Variants in CACNA2D4 observed in about 807,000 individuals in gnomAD.
The protein encoded by CACNA2D4 is calcium voltage-gated channel auxiliary subunit alpha2delta 4.
In CACNA2D4, 157 loss-of-function variants were observed where a neutral mutation model predicts 163.8. That is an observed-to-expected ratio of 0.96 (90% CI 0.84 to 1.09). The LOEUF (loss-of-function observed/expected upper bound fraction) is 1.09, where lower values mean the gene tolerates loss of function less well. Ranked by LOEUF, CACNA2D4 falls within the 50% of genes least tolerant of loss-of-function variation. The pLI is 0.00. For missense variants in CACNA2D4, 1,410 were observed against 1,479.9 expected (o/e 0.95, Z 0.78); for synonymous variants, 598 against 586.9 (o/e 1.02, Z -0.27).
chr12:1,840,463 C>CGGG (rs1251069382), intron 26 of CACNA2D4, among the ~76,000 whole-genome samples: 1 of 1,244 alleles, frequency 8.0e-4, no homozygotes, highest in Admixed American at 6.9e-3. Flanking sequence ...TGGGGGGCGG[C>CGGG]GGGGGGCTGG....
At chr12:1,897,507 G>A (rs954577701) in intron 6 of CACNA2D4, among the ~76,000 whole-genome samples, 6 of 152,152 alleles carry the variant, frequency 3.9e-5, no homozygotes, top group African/African-American at 1.4e-4. Flanking sequence ...ATGTGTACAA[G>A]TATTATGTAT....
At position 1,843,835 on chromosome 12, in the gene CACNA2D4, C is replaced by T. The variant is rs138332898; in HGVS notation, c.2470+567G>A. On this transcript the variant is annotated intron_variant, in intron 25 of 37. Transcript: ENST00000382722. This position sits in a 1 kb window ranked among gnomAD's most constrained non-coding sequence, Gnocchi z 4.6. Reference sequence around the variant, plus strand: ...CAGGGATTTTGTGGTTGCCTCATACCCCACCCTCCCCACCACCTGCCTGGC... The same window carrying T: ...CAGGGATTTTGTGGTTGCCTCATACTCCACCCTCCCCACCACCTGCCTGGC... Among the ~76,000 whole-genome samples, 82 of 152,258 alleles carry T rather than the reference C, an allele frequency of 5.4e-4. No homozygotes were observed. Among genetic ancestry groups the T allele is most frequent in the African/African-American group, 1.9e-3 (77 of 41,540 alleles).
chr12:1,796,260 G>C (rs1863123927), intron 35 of CACNA2D4, among the ~76,000 whole-genome samples: 1 of 152,162 alleles, frequency 6.6e-6, no homozygotes, highest in Non-Finnish European at 1.5e-5. Flanking sequence ...GGCGGAGCCC[G>C]CCCGCCAGGC....
chr12:1,888,486 T>C (rs762797195), intron 6 of CACNA2D4, among the ~76,000 whole-genome samples: 1 of 152,136 alleles, frequency 6.6e-6, no homozygotes, highest in African/African-American at 2.4e-5. Context: ...ATATAGCTTC[T>C]CAAGAATTAC....
Position 1,918,435 on chromosome 12 carries a change from G to GT in CACNA2D4, c.38dup (p.Asn13LysfsTer70). ...GAGTTGCAGGCATGGTGGGCCTGGGGTTGGGGAGGGGAAGGAGGGCAGAGC... is the reference window on the plus strand; with the variant it reads ...GAGTTGCAGGCATGGTGGGCCTGGGGTTTGGGGAGGGGAAGGAGGGCAGAGC... On this transcript the variant is annotated frameshift_variant, in exon 1 of 38. Coordinates refer to ENST00000382722, the MANE Select transcript of CACNA2D4 (RefSeq NM_172364.5). LOFTEE classifies it high-confidence loss of function. 6.3e-7 allele frequency: 1 copy of GT among 1,586,696 alleles called. No individual in the cohort carries two copies. The highest frequency in any genetic ancestry group is 1.3e-5 in the African/African-American group (1 of 74,574).
intron 18 of CACNA2D4, among the ~76,000 whole-genome samples, chr12:1,871,128 CGT>C (rs1457905365): frequency 6.8e-6 from 1 of 147,510 alleles, no homozygotes; most frequent in Non-Finnish European, 1.5e-5. Context: ...CATATGTACA[CGT>C]GTGTTGCTGG....
chr12:1,819,117 G>A (rs947107660), intron 26 of CACNA2D4, among the ~76,000 whole-genome samples: 7 of 152,174 alleles, frequency 4.6e-5, no homozygotes, highest in Non-Finnish European at 5.9e-5. Context: ...CAGTCCTGTG[G>A]TGTTCCGGGG....
At chr12:1,823,017 A>AG (rs1565687035) in intron 26 of CACNA2D4, among the ~76,000 whole-genome samples, 3 of 152,192 alleles carry the variant, frequency 2.0e-5, no homozygotes, top group African/African-American at 7.2e-5. Context: ...TGCAGAGTGA[A>AG]GGGGGCGGCA....
At position 1,834,289 on chromosome 12, in the gene CACNA2D4, C is replaced by T; in HGVS notation, c.2551+6450G>A. ...TAGGGGGACGCTTGGACCAGCTTGC[C>T]TGCACCCTGCCCAAGGAGCTGAGGG... On this transcript the variant is annotated intron_variant, in intron 26 of 37. Transcript: ENST00000382722. This position sits in a 1 kb window ranked among gnomAD's most constrained non-coding sequence, Gnocchi z 7.6. The T allele has an allele frequency of 6.3e-7, 1 of 1,596,038 alleles. No individual in the cohort carries two copies. The highest frequency in any genetic ancestry group is 1.3e-5 in the African/African-American group (1 of 74,742).
intron 6 of CACNA2D4, among the ~76,000 whole-genome samples, chr12:1,887,399 C>G (rs1866175147): frequency 6.6e-6 from 1 of 152,204 alleles, no homozygotes; most frequent in Admixed American, 6.5e-5. Flanking sequence ...ACATCCATTA[C>G]CATCCAGCAA....
intron 6 of CACNA2D4, among the ~76,000 whole-genome samples, chr12:1,888,424 C>A (rs1173529243): frequency 2.0e-5 from 3 of 152,130 alleles, no homozygotes; most frequent in Non-Finnish European, 1.5e-5. Flanking sequence ...ACATAAGGAG[C>A]AGACCCCTAT....
At chr12:1,886,928 G>A (rs1866160407) in intron 7 of CACNA2D4, 81 bp downstream of exon 7, 1 of 941,616 alleles carries the variant, frequency 1.1e-6, no homozygotes, top group Non-Finnish European at 1.7e-6. Flanking sequence ...GGAAGGGGCG[G>A]AAGTGGAGGA....
chr12:1,800,374 AC>A lies in CACNA2D4; in HGVS notation c.2921+11del. ...GCAGCCCTCCACCAGCCCCGTGTCTACCCCCACTCACAGCACCAGCTCCTGC... is the reference window on the plus strand; with the variant it reads ...GCAGCCCTCCACCAGCCCCGTGTCTACCCCACTCACAGCACCAGCTCCTGC... On this transcript the variant is annotated intron_variant, in intron 32 of 37. Coordinates refer to ENST00000382722, the MANE Select transcript of CACNA2D4 (RefSeq NM_172364.5). 4 of 1,612,910 alleles carry A rather than the reference AC, an allele frequency of 2.5e-6. No individual in the cohort carries two copies. The highest frequency in any genetic ancestry group is 2.2e-5 in the South Asian group (2 of 91,008).
rs377755809 is a variant in CACNA2D4 at position 1,799,702 on chromosome 12, G to A, written c.2975-7C>T. The A allele has an allele frequency of 7.3e-5, 114 of 1,570,224 alleles. 1 individual carries two copies. Among genetic ancestry groups the A allele is most frequent in the Middle Eastern group, 6.6e-4 (4 of 6,040 alleles). On this transcript the variant is annotated splice_region_variant and splice_polypyrimidine_tract_variant and intron_variant, in intron 33 of 37. Coordinates refer to ENST00000382722, the MANE Select transcript of CACNA2D4 (RefSeq NM_172364.5). This position sits in a 1 kb window ranked among gnomAD's most constrained non-coding sequence, Gnocchi z 4.7. Reference sequence around the variant, plus strand: ...TGATGGAAGACACTTTTGGCTGGCCGGAACATAAGCCCAGCACAGGGTGGA... The same window carrying A: ...TGATGGAAGACACTTTTGGCTGGCCAGAACATAAGCCCAGCACAGGGTGGA...
At position 1,918,531 on chromosome 12, in the gene CACNA2D4, C is replaced by A. The variant is rs1383776188; in HGVS notation, c.-58G>T. On this transcript the variant is annotated 5_prime_UTR_variant, in exon 1 of 38. Transcript: ENST00000382722. ...ACGCCCCAGGCCTTTGTCTTCCGTG[C>A]CTTGGCGAGCCTGGGGTCTCCAGCC... 5.8e-6 allele frequency: 8 copies of A among 1,379,390 alleles called. No homozygotes were observed. Among genetic ancestry groups the A allele is most frequent in the Non-Finnish European group, 8.0e-6 (8 of 1,003,948 alleles). 85.4% of individuals were successfully genotyped at this position (1,379,390 alleles called of 1,614,324 possible). A position where few individuals can be genotyped will look rare whatever the true frequency, so the allele number is the denominator to read the frequency against.
intron 18 of CACNA2D4, among the ~76,000 whole-genome samples, chr12:1,873,530 A>T (rs996981271): frequency 2.6e-5 from 4 of 152,224 alleles, no homozygotes; most frequent in African/African-American, 9.7e-5. Flanking sequence ...GTATAGCCAC[A>T]TTCAGATCTA....
chr12:1,832,432 C>T (rs1307643147), intron 26 of CACNA2D4, among the ~76,000 whole-genome samples: 2 of 152,242 alleles, frequency 1.3e-5, no homozygotes, highest in African/African-American at 2.4e-5. Context: ...CGTTCACTTC[C>T]TGGTAATAAT....
rs1316397239 is a variant in CACNA2D4, at chr12:1,887,002, C to T, written c.842+7G>A. On this transcript the variant is annotated splice_region_variant and intron_variant, in intron 7 of 37. Transcript: ENST00000382722. Reference sequence around the variant, plus strand: ...GGGCCGCAAACCTTTCCCCTGTGAGCTCTTACCAGCCGCGGTTTCGGCAGT... The same window carrying T: ...GGGCCGCAAACCTTTCCCCTGTGAGTTCTTACCAGCCGCGGTTTCGGCAGT... 1 of 1,581,230 alleles carries T rather than the reference C, an allele frequency of 6.3e-7. No individual in the cohort carries two copies. Among genetic ancestry groups the T allele is most frequent in the East Asian group, 2.3e-5 (1 of 43,908 alleles).
At chr12:1,807,584 C>T (rs148116487) in intron 29 of CACNA2D4, among the ~76,000 whole-genome samples, 175 of 152,172 alleles carry the variant, frequency 1.2e-3, no homozygotes, top group African/African-American at 3.9e-3. Context: ...CCAGACTCTC[C>T]GCCGCCCTGT....
Sources: allele counts gnomAD v4.1 joint callset (sites outside exome capture counted in the v4.1 genomes callset), GRCh38; gene constraint gnomAD v4.1.1; non-coding constraint Gnocchi (gnomAD v3.1); transcripts MANE v1.5; gene names NCBI Gene and HGNC (gene_info 2026-07-23, HGNC 2026-07-21).